Variants in MAP3K21 observed in about 807,000 individuals in gnomAD.
MAP3K21 encodes the protein mitogen-activated protein kinase kinase kinase 21, also known as mitogen-activated protein kinase kinase kinase MLK4.
Under a neutral mutation model 86.1 loss-of-function variants are expected in MAP3K21, and 63 were observed. The observed-to-expected ratio is 0.73, with a 90% CI of 0.60 to 0.90. The LOEUF (loss-of-function observed/expected upper bound fraction) is 0.90. MAP3K21 is among the 40% of genes least tolerant of loss of function. The pLI is 0.00. For missense variants in MAP3K21, 1,220 were observed against 1,367.7 expected (o/e 0.89, Z 1.70); for synonymous variants, 558 against 564.8 (o/e 0.99, Z 0.17).
rs762553592 is a variant in MAP3K21 at position 233,379,181 on chromosome 1, G to A, written c.2175G>A (p.Gly725=). The A allele has an allele frequency of 1.2e-6, 2 of 1,614,196 alleles. No individual in the cohort carries two copies. Among genetic ancestry groups the A allele is most frequent in the Admixed American group, 1.7e-5 (1 of 60,032 alleles). The change falls in exon 9 of 10, where the codon GGG becomes GGA. Residue 725 remains glycine, a synonymous_variant. Coordinates refer to ENST00000366624, the MANE Select transcript of MAP3K21 (RefSeq NM_032435.3). ...QRKKTESALY[G]CTVLLASVAL... ...AGAAAACGGAGTCAGCTCTGTATGG[G>A]TGCACCGTCCTTCTGGCATCGGTGG...
In MAP3K21 at chr1:233,376,054, A is replaced by T; in HGVS notation, c.1814A>T (p.Asp605Val). Residue 605 changes from aspartate (D) to valine (V), a missense_variant, in exon 7 of 10, where the codon GAT becomes GTT. Transcript: ENST00000366624. ...PNSIQMKDRT[D>V]CKERIRPLSD... Reference sequence around the variant, plus strand: ...TCCATTCAAATGAAAGATAGAACAGATTGCAAAGAAAGGTACGTGTGTGGT... The same window carrying T: ...TCCATTCAAATGAAAGATAGAACAGTTTGCAAAGAAAGGTACGTGTGTGGT... 1 of 1,603,320 alleles carries T rather than the reference A, an allele frequency of 6.2e-7. No homozygotes were observed. The highest frequency in any genetic ancestry group is 8.5e-7 in the Non-Finnish European group (1 of 1,177,630).
intron 4 of MAP3K21, among the ~76,000 whole-genome samples, chr1:233,356,008 T>C (rs1663346015): frequency 6.6e-6 from 1 of 152,196 alleles, no homozygotes; most frequent in Admixed American, 6.5e-5. Context: ...TCCCCAGCCA[T>C]ACTGAATTTC....
chr1:233,383,651 A>G lies in MAP3K21; in HGVS notation c.*940A>G, dbSNP rs1663959644. On this transcript the variant is annotated 3_prime_UTR_variant, in exon 10 of 10. Coordinates refer to ENST00000366624, the MANE Select transcript of MAP3K21 (RefSeq NM_032435.3). ...GCTCTTCACAGATATCATGTACTGT[A>G]AACAGTCATGTGTCTTAATTTTATT... 6.6e-6 allele frequency: 1 copy of G among 152,176 alleles called. No homozygotes were observed. The highest frequency in any genetic ancestry group is 2.1e-4 in the South Asian group (1 of 4,830). 9.4% of individuals were successfully genotyped at this position (152,176 alleles called of 1,614,324 possible).
At chr1:233,342,644 G>A (rs1319600499) in intron 1 of MAP3K21, among the ~76,000 whole-genome samples, 1 of 152,180 alleles carries the variant, frequency 6.6e-6, no homozygotes. Context: ...GCAAATGATA[G>A]GGAAGATAAA....
At chr1:233,354,392 G>A (rs10797449) in intron 3 of MAP3K21, among the ~76,000 whole-genome samples, 67,017 of 151,926 alleles carry the variant, frequency 0.44, 15,200 homozygotes, top group Admixed American at 0.55. Context: ...TTTGTAAGCC[G>A]CAAGTTGCCT....
intron 1 of MAP3K21, among the ~76,000 whole-genome samples, chr1:233,331,964 A>C (rs1277163528): frequency 1.3e-5 from 2 of 152,218 alleles, no homozygotes; most frequent in African/African-American, 4.8e-5. Flanking sequence ...TCCCTTCTGG[A>C]TGCAAAATAA....
intron 1 of MAP3K21, among the ~76,000 whole-genome samples, chr1:233,338,840 T>C (rs1662963545): frequency 6.6e-6 from 1 of 152,172 alleles, no homozygotes; most frequent in African/African-American, 2.4e-5. Context: ...AACAGGACTA[T>C]ACTGGCAGCA....
At chr1:233,363,876 C>T (rs1294256) in intron 5 of MAP3K21, among the ~76,000 whole-genome samples, 119,399 of 149,220 alleles carry the variant, frequency 0.8, 47,526 homozygotes, top group East Asian at 1. Context: ...TAGCTGGGCA[C>T]GGGGGCGGGT....
intron 1 of MAP3K21, among the ~76,000 whole-genome samples, chr1:233,338,577 G>C (rs1008880301): frequency 3.3e-5 from 5 of 152,220 alleles, no homozygotes; most frequent in Non-Finnish European, 1.5e-5. Flanking sequence ...ATTTTCAGCA[G>C]TATCTAAGTA....
intron 1 of MAP3K21, among the ~76,000 whole-genome samples, chr1:233,338,998 G>C (rs1011319608): frequency 2.0e-5 from 3 of 152,182 alleles, no homozygotes; most frequent in African/African-American, 7.2e-5. Flanking sequence ...TCCACGGACT[G>C]AGTCCTCGTA....
chr1:233,350,616 G>A (rs1351078276), intron 2 of MAP3K21, among the ~76,000 whole-genome samples: 1 of 152,048 alleles, frequency 6.6e-6, no homozygotes, highest in Non-Finnish European at 1.5e-5. Flanking sequence ...AACAGTTACT[G>A]TACTACAGAG....
At chr1:233,338,543 A>C (rs1662959794) in intron 1 of MAP3K21, among the ~76,000 whole-genome samples, 1 of 152,246 alleles carries the variant, frequency 6.6e-6, no homozygotes, top group Non-Finnish European at 1.5e-5. Flanking sequence ...TGTGTGTCTA[A>C]GCAAAGTCTT....
In MAP3K21 at chr1:233,382,784, T is replaced by G. The variant is rs1663944119; in HGVS notation, c.*73T>G. On this transcript the variant is annotated 3_prime_UTR_variant, in exon 10 of 10. Coordinates refer to ENST00000366624, the MANE Select transcript of MAP3K21 (RefSeq NM_032435.3). ...GAACACAATGTATCTACCTTTGAAC[T>G]GTTTCATGCTGCTGTGTTTTCAAAA... 2 of 1,294,218 alleles carry G rather than the reference T, an allele frequency of 1.5e-6. No homozygotes were observed. The highest frequency in any genetic ancestry group is 1.4e-5 in the South Asian group (1 of 70,594). The allele number at this position is 1,294,218 out of a possible 1,614,324, so 80.2% of individuals were successfully genotyped here.
Position 233,327,907 on chromosome 1 carries a change from C to T in MAP3K21, c.-122C>T. ...CCGTGATCTCTGCCGTCACCGATCG[C>T]GATTCCTACCCCCTCGCCTTCCCCC... On this transcript the variant is annotated 5_prime_UTR_variant, in exon 1 of 10. Transcript: ENST00000366624. The T allele has an allele frequency of 1.3e-6, 1 of 743,014 alleles. No individual in the cohort carries two copies. Among genetic ancestry groups the T allele is most frequent in the South Asian group, 6.4e-5 (1 of 15,626 alleles). 46.0% of individuals were successfully genotyped at this position (743,014 alleles called of 1,614,324 possible).
chr1:233,332,192 A>G (rs185577432), intron 1 of MAP3K21, among the ~76,000 whole-genome samples: 1 of 152,312 alleles, frequency 6.6e-6, no homozygotes, highest in East Asian at 1.9e-4. Context: ...CAATGACAAC[A>G]AATCTGCCAT....
chr1:233,350,281 T>G (rs1203812407), intron 2 of MAP3K21, among the ~76,000 whole-genome samples: 1 of 152,124 alleles, frequency 6.6e-6, no homozygotes, highest in African/African-American at 2.4e-5. Flanking sequence ...ACGTGATTGC[T>G]TGAATCTGCA....
intron 4 of MAP3K21, among the ~76,000 whole-genome samples, chr1:233,355,864 GC>G (rs897233935): frequency 7.2e-5 from 11 of 152,172 alleles, no homozygotes; most frequent in Non-Finnish European, 1.2e-4. Context: ...TCTCTGTGCA[GC>G]CTTTCTTCCC....
chr1:233,378,224 G>A (rs186728851), intron 8 of MAP3K21, among the ~76,000 whole-genome samples: 9 of 152,318 alleles, frequency 5.9e-5, no homozygotes, highest in East Asian at 1.9e-4. Flanking sequence ...TTAATTATGC[G>A]CTGTCACTTT....
intron 1 of MAP3K21, among the ~76,000 whole-genome samples, chr1:233,338,779 C>T (rs190017470): frequency 3.9e-5 from 6 of 152,098 alleles, no homozygotes; most frequent in East Asian, 1.9e-4. Flanking sequence ...ACTTTTACTA[C>T]GACGCAAGAG....
Sources: gnomAD v4.1 joint callset for allele counts (sites outside exome capture counted in the v4.1 genomes callset) on GRCh38, gnomAD v4.1.1 for gene constraint, MANE v1.5 for transcripts, NCBI Gene and HGNC (gene_info 2026-07-23, HGNC 2026-07-21) for gene names.